The following NAALADL2 variants were observed in gnomAD, a reference collection of about 807,000 sequenced individuals.
The protein encoded by NAALADL2 is N-acetylated alpha-linked acidic dipeptidase like 2, also known as inactive N-acetylated-alpha-linked acidic dipeptidase-like protein 2.
NAALADL2 carries 76 observed loss-of-function variants against 87.2 expected under a neutral mutation model. The observed-to-expected ratio is 0.87, with a 90% CI of 0.72 to 1.05. The LOEUF is 1.05. Among genes scored for constraint, NAALADL2 ranks in the 50% least tolerant of loss-of-function variants. NAALADL2 has a pLI of 0.00. For missense variants in NAALADL2, 1,089 were observed against 945.8 expected (o/e 1.15, Z -1.99); for synonymous variants, 354 against 331.0 (o/e 1.07, Z -0.75).
At chr3:175,046,769 T>A (rs1366220282) in intron 1 of NAALADL2, among the ~76,000 whole-genome samples, 2 of 152,154 alleles carry the variant, frequency 1.3e-5, no homozygotes, top group African/African-American at 4.8e-5. Flanking sequence ...TAATGTGCTG[T>A]TTTCATCATC....
At chr3:175,090,253 A>G (rs1312719631) in intron 1 of NAALADL2, among the ~76,000 whole-genome samples, 1 of 152,082 alleles carries the variant, frequency 6.6e-6, no homozygotes, top group Admixed American at 6.6e-5. Context: ...TATGTGGTAG[A>G]TATCCTAAAT....
chr3:175,667,241 A>AAGAAATAAAG (rs1182682303), intron 11 of NAALADL2, among the ~76,000 whole-genome samples: 1 of 91,716 alleles, frequency 1.1e-5, no homozygotes, highest in African/African-American at 5.1e-5. Context: ...GAAAGAAAGA[A>AAGAAATAAAG]AAAGAAAGAA....
Position 175,611,636 on chromosome 3 carries a change from G to A in NAALADL2, c.1801-15655G>A, listed in dbSNP as rs139879526. ...CATTAAATTAGGACTGGAGAAAATC[G>A]AGATAACTGATTATTCTCAAATGAA... On this transcript the variant is annotated intron_variant, in intron 10 of 13. Transcript: ENST00000454872. Among the ~76,000 whole-genome samples, 20 of 152,194 alleles carry A rather than the reference G, an allele frequency of 1.3e-4. No individual in the cohort carries two copies. The East Asian group carries it at 2.7e-3, about 21-fold the overall frequency.
chr3:174,831,037 A>G (rs943663268), intron 3 of NAALADL2, among the ~76,000 whole-genome samples: 2 of 150,936 alleles, frequency 1.3e-5, no homozygotes, highest in Non-Finnish European at 1.5e-5. Flanking sequence ...TAGATATACA[A>G]TCATGTCATC....
At chr3:174,958,215 T>A (rs1297889916) in intron 1 of NAALADL2, among the ~76,000 whole-genome samples, 1 of 151,110 alleles carries the variant, frequency 6.6e-6, no homozygotes, top group Non-Finnish European at 1.5e-5. Flanking sequence ...TTTATATATA[T>A]AAATAATCAA....
chr3:174,991,639 C>G (rs958282330), intron 1 of NAALADL2, among the ~76,000 whole-genome samples: 3 of 151,946 alleles, frequency 2.0e-5, no homozygotes, highest in Admixed American at 2.0e-4. Context: ...AGAGAATAAG[C>G]AATTAAAATA....
At chr3:174,966,327 A>C (rs1742863762) in intron 1 of NAALADL2, among the ~76,000 whole-genome samples, 1 of 152,136 alleles carries the variant, frequency 6.6e-6, no homozygotes, top group Non-Finnish European at 1.5e-5. Context: ...AATATTTTCC[A>C]TGGTGCATTC....
intron 1 of NAALADL2, among the ~76,000 whole-genome samples, chr3:175,044,136 G>C (rs1414898980): frequency 6.6e-6 from 1 of 151,902 alleles, no homozygotes; most frequent in African/African-American, 2.4e-5. Flanking sequence ...ATTGTAAATG[G>C]CATTATTCTC....
chr3:174,446,212 A>C (rs959938515), intron 1 of NAALADL2, among the ~76,000 whole-genome samples: 5 of 152,132 alleles, frequency 3.3e-5, no homozygotes, highest in Non-Finnish European at 7.4e-5. Context: ...CCAAGGTACA[A>C]TTTGATAGGA....
chr3:175,289,715 A>C (rs933723152), intron 4 of NAALADL2, among the ~76,000 whole-genome samples: 2 of 152,130 alleles, frequency 1.3e-5, no homozygotes, highest in Non-Finnish European at 2.9e-5. Context: ...AGTCCCAGCT[A>C]CTCAGAAGGC....
At chr3:175,530,073 A>G (rs1445767624) in intron 9 of NAALADL2, among the ~76,000 whole-genome samples, 4 of 152,190 alleles carry the variant, frequency 2.6e-5, no homozygotes, top group African/African-American at 7.2e-5. Context: ...CATGTTGCTG[A>G]GCCCATGTGT....
At chr3:175,415,283 T>A (rs16825665) in intron 5 of NAALADL2, among the ~76,000 whole-genome samples, 27,481 of 152,022 alleles carry the variant, frequency 0.18, 3,590 homozygotes, top group African/African-American at 0.36. Context: ...GATGATGAGC[T>A]TTTAAAAAAA....
At chr3:174,893,311 C>A (rs914935041) in intron 1 of NAALADL2, among the ~76,000 whole-genome samples, 13 of 96,930 alleles carry the variant, frequency 1.3e-4, no homozygotes, top group African/African-American at 6.3e-4. Context: ...AGTACTTCAA[C>A]CCCCCCCCGC....
chr3:175,472,368 AT>A (rs886091799), intron 9 of NAALADL2, among the ~76,000 whole-genome samples: 1 of 152,026 alleles, frequency 6.6e-6, no homozygotes, highest in African/African-American at 2.4e-5. Flanking sequence ...TTAGCAGAAC[AT>A]TTTTTCCTGT....
At chr3:175,131,780 C>CA (rs1304650617) in intron 2 of NAALADL2, among the ~76,000 whole-genome samples, 1 of 148,118 alleles carries the variant, frequency 6.8e-6, no homozygotes, top group Non-Finnish European at 1.5e-5. Context: ...GGCTGACCCC[C>CA]CCACCTCCCT....
chr3:175,771,081 TTAAC>T (rs1239987861), intron 13 of NAALADL2, among the ~76,000 whole-genome samples: 1 of 152,198 alleles, frequency 6.6e-6, no homozygotes, highest in Non-Finnish European at 1.5e-5. Context: ...TTTTTCTAGA[TTAAC>T]TACTAGAGGT....
chr3:174,933,604 G>A (rs1737231499), intron 1 of NAALADL2, among the ~76,000 whole-genome samples: 1 of 152,114 alleles, frequency 6.6e-6, no homozygotes, highest in African/African-American at 2.4e-5. Flanking sequence ...AGATTTAGCA[G>A]TAAATAAATA....
chr3:175,363,008 A>C (rs758163458), intron 5 of NAALADL2, among the ~76,000 whole-genome samples: 3 of 146,286 alleles, frequency 2.1e-5, no homozygotes, highest in Non-Finnish European at 4.6e-5. Flanking sequence ...CAGTTTCTTT[A>C]CTTTTCTCTT....
intron 3 of NAALADL2, among the ~76,000 whole-genome samples, chr3:174,775,416 G>C (rs1560214664): frequency 6.6e-6 from 1 of 152,044 alleles, no homozygotes; most frequent in East Asian, 1.9e-4. Flanking sequence ...TTGTTGGCTG[G>C]CTTGTTTCAG....
Sources: allele counts gnomAD v4.1 joint callset (sites outside exome capture counted in the v4.1 genomes callset), GRCh38; gene constraint gnomAD v4.1.1; transcripts MANE v1.5; gene names NCBI Gene and HGNC (gene_info 2026-07-23, HGNC 2026-07-21).